SPIDR: variants seen among roughly 807,000 people sequenced by gnomAD.
The protein encoded by SPIDR is scaffold protein involved in DNA repair.
Under a neutral mutation model 104.6 loss-of-function variants are expected in SPIDR, and 93 were observed. The observed-to-expected ratio is 0.89, with a 90% CI of 0.75 to 1.06. The LOEUF is 1.06. Among genes scored for constraint, SPIDR ranks in the 50% least tolerant of loss-of-function variants. SPIDR has a pLI of 0.00. For synonymous variants in SPIDR, 431 were observed against 416.9 expected, an observed-to-expected ratio of 1.03 and a Z score of -0.41; for missense variants, 1,154 against 1,111.2, an observed-to-expected ratio of 1.04 and a Z score of -0.55.
intron 7 of SPIDR, among the ~76,000 whole-genome samples, chr8:47,430,056 T>G (rs577316964): frequency 1.3e-5 from 2 of 152,322 alleles, no homozygotes; most frequent in Admixed American, 6.5e-5. Context: ...TGCTTTTTAC[T>G]TTGTGTCTTT....
chr8:47,729,618 G>A, intron 19 of SPIDR, 153 bp downstream of exon 19: 11 of 787,580 alleles, frequency 1.4e-5, no homozygotes, highest in African/African-American at 5.2e-5. Context: ...ATGCAGATAT[G>A]TCTGCCATTC....
chr8:47,675,907 A>G (rs1237383167), intron 11 of SPIDR, among the ~76,000 whole-genome samples: 1 of 152,192 alleles, frequency 6.6e-6, no homozygotes, highest in Non-Finnish European at 1.5e-5. Flanking sequence ...TTTAGAGGGG[A>G]GGGCTCTTTC....
Position 47,396,625 on chromosome 8 carries a change from A to C in SPIDR, c.775A>C (p.Arg259=), listed in dbSNP as rs200652874. 5 of 1,610,024 alleles carry C rather than the reference A, an allele frequency of 3.1e-6. No homozygotes were observed. Among genetic ancestry groups the C allele is most frequent in the Non-Finnish European group, 4.2e-6 (5 of 1,178,752 alleles). ...AAATTCAGCAAAGAAGAAGCTTTTAAGGTTAAATTATACCCTTTTAAATAC... is the reference window on the plus strand; with the variant it reads ...AAATTCAGCAAAGAAGAAGCTTTTACGGTTAAATTATACCCTTTTAAATAC... ...PENSAKKKLL[R]GGLAERLNGL... The change falls in exon 6 of 20, where the codon AGA becomes CGA. Residue 259 remains arginine, a splice_region_variant and synonymous_variant. Coordinates refer to ENST00000297423, the MANE Select transcript of SPIDR (RefSeq NM_001080394.4).
chr8:47,536,070 C>A (rs1353529382), intron 8 of SPIDR, among the ~76,000 whole-genome samples: 1 of 138,806 alleles, frequency 7.2e-6, no homozygotes, highest in Non-Finnish European at 1.6e-5. Context: ...TCAAAAAAAT[C>A]AAACAGGTAT....
At chr8:47,350,091 A>C (rs891579052) in intron 5 of SPIDR, among the ~76,000 whole-genome samples, 3 of 152,204 alleles carry the variant, frequency 2.0e-5, no homozygotes, top group Non-Finnish European at 4.4e-5. Flanking sequence ...GTTCCTATTC[A>C]GCCATCTTGG....
intron 2 of SPIDR, among the ~76,000 whole-genome samples, chr8:47,282,371 G>C (rs1420239214): frequency 6.6e-6 from 1 of 152,182 alleles, no homozygotes; most frequent in Non-Finnish European, 1.5e-5. Context: ...CTAATATAAG[G>C]CTCTTTCATC....
At chr8:47,297,129 A>G (rs2040996016) in intron 5 of SPIDR, among the ~76,000 whole-genome samples, 1 of 152,064 alleles carries the variant, frequency 6.6e-6, no homozygotes, top group Non-Finnish European at 1.5e-5. Context: ...AGTTGTTAGC[A>G]TTTTCTATAT....
At chr8:47,671,960 C>G (rs957456369) in intron 10 of SPIDR, among the ~76,000 whole-genome samples, 5 of 151,880 alleles carry the variant, frequency 3.3e-5, no homozygotes, top group African/African-American at 1.2e-4. Context: ...CTTTTTCCCC[C>G]CTTTGTTTTT....
intron 8 of SPIDR, among the ~76,000 whole-genome samples, chr8:47,537,267 T>C (rs1281301868): frequency 6.6e-6 from 1 of 152,238 alleles, no homozygotes; most frequent in Non-Finnish European, 1.5e-5. Flanking sequence ...GCATAAATGC[T>C]TATAGCAGCT....
At chr8:47,661,439 A>G (rs2074088633) in intron 10 of SPIDR, among the ~76,000 whole-genome samples, 1 of 152,274 alleles carries the variant, frequency 6.6e-6, no homozygotes, top group African/African-American at 2.4e-5. Context: ...GGTGTACTGG[A>G]TGCATACCTT....
intron 8 of SPIDR, among the ~76,000 whole-genome samples, chr8:47,465,658 C>T (rs1367425641): frequency 6.6e-6 from 1 of 152,068 alleles, no homozygotes. Context: ...ATCACTTGAA[C>T]CTGGGAGATG....
chr8:47,296,990 T>C (rs2040964053), intron 5 of SPIDR, among the ~76,000 whole-genome samples: 1 of 152,224 alleles, frequency 6.6e-6, no homozygotes, highest in African/African-American at 2.4e-5. Flanking sequence ...TTCTCGATGC[T>C]ACTGTAAACG....
At chr8:47,654,266 T>A in intron 10 of SPIDR, 1 of 930,376 alleles carries the variant, frequency 1.1e-6, no homozygotes, top group Non-Finnish European at 1.5e-6. Flanking sequence ...AGCACCTGCC[T>A]AATCCATGTA....
chr8:47,636,513 A>C (rs565275578), intron 10 of SPIDR, among the ~76,000 whole-genome samples: 3 of 152,218 alleles, frequency 2.0e-5, no homozygotes, highest in African/African-American at 7.2e-5. Context: ...ATCAAAAGCT[A>C]GACCTTTGCA....
At chr8:47,311,891 C>G (rs978805050) in intron 5 of SPIDR, among the ~76,000 whole-genome samples, 8 of 152,080 alleles carry the variant, frequency 5.3e-5, no homozygotes, top group African/African-American at 1.9e-4. Context: ...CACAACAGTC[C>G]CCGGAGTGTG....
At chr8:47,354,468 ATATT>A (rs1230474999) in intron 5 of SPIDR, among the ~76,000 whole-genome samples, 2 of 151,940 alleles carry the variant, frequency 1.3e-5, no homozygotes, top group Admixed American at 6.6e-5. Context: ...AGAATTACGC[ATATT>A]TAAATAATTT....
chr8:47,340,316 G>A (rs1408109160), intron 5 of SPIDR, among the ~76,000 whole-genome samples: 1 of 152,038 alleles, frequency 6.6e-6, no homozygotes, highest in Non-Finnish European at 1.5e-5. Context: ...TACAATAAAC[G>A]TGAATAGGCC....
intron 6 of SPIDR, among the ~76,000 whole-genome samples, chr8:47,402,381 A>AC (rs1554663806): frequency 1.3e-5 from 2 of 152,194 alleles, no homozygotes; most frequent in African/African-American, 4.8e-5. Flanking sequence ...AGATAGAGAC[A>AC]AAAAACCCTT....
intron 1 of SPIDR, among the ~76,000 whole-genome samples, chr8:47,269,094 G>A (rs1480854059): frequency 6.6e-6 from 1 of 152,058 alleles, no homozygotes; most frequent in African/African-American, 2.4e-5. Flanking sequence ...TTGAGCCGAG[G>A]AGGTGGAAGC....
Sources: gnomAD v4.1 joint callset for allele counts (sites outside exome capture counted in the v4.1 genomes callset) on GRCh38, gnomAD v4.1.1 for gene constraint, MANE v1.5 for transcripts, NCBI Gene and HGNC (gene_info 2026-07-23, HGNC 2026-07-21) for gene names.